The following IGSF11 variants were observed in gnomAD, a reference collection of about 807,000 sequenced individuals.
The protein encoded by IGSF11 is CXADR like 1.
IGSF11 carries 22 observed loss-of-function variants against 41.0 expected under a neutral mutation model. The observed-to-expected ratio is 0.54, with a 90% CI of 0.38 to 0.77. The LOEUF (loss-of-function observed/expected upper bound fraction) is 0.77, where lower values mean the gene tolerates loss of function less well. IGSF11 is among the 30% of genes least tolerant of loss of function. The probability of loss-of-function intolerance (pLI) is 0.00; values close to 1 mark genes in which losing one functional copy is unlikely to be tolerated. For synonymous variants in IGSF11, 219 were observed against 201.3 expected, an observed-to-expected ratio of 1.09 and a Z score of -0.74; for missense variants, 444 against 530.8, an observed-to-expected ratio of 0.84 and a Z score of 1.61.
chr3:119,009,079 C>A (rs1937767475), intron 1 of IGSF11, among the ~76,000 whole-genome samples: 1 of 152,228 alleles, frequency 6.6e-6, no homozygotes, highest in South Asian at 2.1e-4. Context: ...CATACACACA[C>A]ACAAATTTCT....
At chr3:119,109,251 T>C (rs1472497027), upstream of IGSF11, among the ~76,000 whole-genome samples, 1 of 149,946 alleles carries the variant, frequency 6.7e-6, no homozygotes, top group Non-Finnish European at 1.5e-5. Context: ...CTATTGATTA[T>C]TGCCACAATT....
At chr3:119,103,375 C>T (rs1489309359) in intron 1 of IGSF11, among the ~76,000 whole-genome samples, 1 of 151,726 alleles carries the variant, frequency 6.6e-6, no homozygotes, top group African/African-American at 2.4e-5. Flanking sequence ...TCTACTGTTC[C>T]TTTCCTTCTT....
chr3:119,068,788 G>C (rs1942307292), intron 1 of IGSF11, among the ~76,000 whole-genome samples: 1 of 152,002 alleles, frequency 6.6e-6, no homozygotes, highest in African/African-American at 2.4e-5. Context: ...GCTTCATACT[G>C]ACTCACATGA....
chr3:119,041,495 G>T (rs1194351754), intron 1 of IGSF11, among the ~76,000 whole-genome samples: 2 of 152,148 alleles, frequency 1.3e-5, no homozygotes, highest in Non-Finnish European at 2.9e-5. Context: ...TAAGGTGGGA[G>T]AATTGCTTGA....
chr3:119,132,664 G>A (rs1236852120), intron 1 of IGSF11, among the ~76,000 whole-genome samples: 1 of 151,942 alleles, frequency 6.6e-6, no homozygotes, highest in South Asian at 2.1e-4. Context: ...ACAGATCAAT[G>A]AGACAGGTTA....
chr3:119,028,203 G>C (rs965622793), intron 1 of IGSF11, among the ~76,000 whole-genome samples: 1 of 152,136 alleles, frequency 6.6e-6, no homozygotes, highest in Non-Finnish European at 1.5e-5. Flanking sequence ...CTGAGAGTGT[G>C]GTCCATAAGG....
At chr3:119,116,858 C>G (rs954290102) in intron 1 of IGSF11, among the ~76,000 whole-genome samples, 1 of 152,094 alleles carries the variant, frequency 6.6e-6, no homozygotes, top group Non-Finnish European at 1.5e-5. Flanking sequence ...TCTACCTGAA[C>G]CGACAACCCC....
chr3:118,946,017 C>T (rs1944101661), intron 1 of IGSF11: 1 of 152,008 alleles, frequency 6.6e-6, no homozygotes, highest in East Asian at 1.9e-4. Flanking sequence ...GGGCAGAGGG[C>T]GTAAAAAAGG....
chr3:118,939,359 T>A (rs1943509215), intron 1 of IGSF11, among the ~76,000 whole-genome samples: 2 of 152,090 alleles, frequency 1.3e-5, no homozygotes, highest in Non-Finnish European at 1.5e-5. Flanking sequence ...GTGGATCACC[T>A]GAGGTCAGGA....
intron 4 of IGSF11, among the ~76,000 whole-genome samples, chr3:118,917,820 GC>G (rs2107506086): frequency 6.6e-6 from 1 of 150,876 alleles, no homozygotes; most frequent in Non-Finnish European, 1.5e-5. Context: ...AGAATTTTAG[GC>G]CAATATCCTT....
chr3:118,902,480 T>A lies in IGSF11; in HGVS notation c.*40A>T, dbSNP rs769209689. The A allele has an allele frequency of 7.2e-6, 4 of 557,656 alleles. No individual in the cohort carries two copies. Among genetic ancestry groups the A allele is most frequent in the Admixed American group, 6.5e-5 (3 of 46,404 alleles). The allele number at this position is 557,656 out of a possible 1,614,324, so 34.5% of individuals were successfully genotyped here. ...CCACCCTCCCCCTTGTATGAGGGCATTCCATTTATTCATTTCTGAACACAA... is the reference window on the plus strand; with the variant it reads ...CCACCCTCCCCCTTGTATGAGGGCAATCCATTTATTCATTTCTGAACACAA... On this transcript the variant is annotated 3_prime_UTR_variant, in exon 7 of 7. Transcript: ENST00000393775.
At chr3:119,097,278 A>C (rs1004590042) in intron 1 of IGSF11, among the ~76,000 whole-genome samples, 2 of 152,168 alleles carry the variant, frequency 1.3e-5, no homozygotes, top group Admixed American at 6.5e-5. Context: ...CATCATCTCC[A>C]CTACTTCTGA....
intron 1 of IGSF11, among the ~76,000 whole-genome samples, chr3:118,982,549 AAAG>A (rs1934840621): frequency 6.6e-6 from 1 of 152,192 alleles, no homozygotes; most frequent in Non-Finnish European, 1.5e-5. Context: ...GGGACAATAA[AAAG>A]AAGGACAAAG....
At chr3:119,055,711 A>G (rs1017382110) in intron 1 of IGSF11, among the ~76,000 whole-genome samples, 1 of 152,206 alleles carries the variant, frequency 6.6e-6, no homozygotes, top group African/African-American at 2.4e-5. Flanking sequence ...AATTGGCCAC[A>G]TAGTTGGAAG....
At chr3:119,099,692 T>A (rs1031852725) in intron 1 of IGSF11, among the ~76,000 whole-genome samples, 3 of 152,342 alleles carry the variant, frequency 2.0e-5, no homozygotes, top group Admixed American at 2.0e-4. Context: ...AAGGGCTGGT[T>A]AGAAATCATG....
intron 1 of IGSF11, chr3:118,948,486 C>T (rs1212540938): frequency 6.6e-6 from 1 of 152,034 alleles, no homozygotes. Context: ...TGACCAGAAA[C>T]TCAAGTTAAG....
intron 1 of IGSF11, among the ~76,000 whole-genome samples, chr3:118,972,879 C>T (rs1313567163): frequency 6.6e-6 from 1 of 152,128 alleles, no homozygotes; most frequent in African/African-American, 2.4e-5. Context: ...ATAGGCCACA[C>T]CATAAATGAA....
At chr3:119,020,984 T>C (rs1042766725) in intron 1 of IGSF11, among the ~76,000 whole-genome samples, 3 of 152,304 alleles carry the variant, frequency 2.0e-5, no homozygotes, top group Admixed American at 2.0e-4. Context: ...GTGGTGTATA[T>C]AGCATAGGTT....
intron 4 of IGSF11, among the ~76,000 whole-genome samples, chr3:118,911,481 C>T (rs141976103): frequency 3.9e-4 from 60 of 152,054 alleles, no homozygotes; most frequent in Middle Eastern, 3.4e-3. Flanking sequence ...TTTGGGAGGC[C>T]GACGCATTTG....
Sources: allele counts gnomAD v4.1 joint callset (sites outside exome capture counted in the v4.1 genomes callset), GRCh38; gene constraint gnomAD v4.1.1; transcripts MANE v1.5; gene names NCBI Gene and HGNC (gene_info 2026-07-23, HGNC 2026-07-21).